Variants in RIC8B observed in about 807,000 individuals in gnomAD.
RIC8B encodes RIC8 guanine nucleotide exchange factor B.
In RIC8B, 16 loss-of-function variants were observed where a neutral mutation model predicts 57.5. The ratio of observed to expected loss-of-function variants is 0.28; its 90% confidence interval spans 0.19 to 0.42. RIC8B has a LOEUF of 0.42. Ranked by LOEUF, RIC8B falls within the 10% of genes least tolerant of loss-of-function variation. The probability of loss-of-function intolerance (pLI) is 1.00; values close to 1 mark genes in which losing one functional copy is unlikely to be tolerated. For missense variants in RIC8B, 481 were observed against 677.0 expected (o/e 0.71, Z 3.21); for synonymous variants, 216 against 250.8 (o/e 0.86, Z 1.31).
At chr12:106,809,394 GT>G (rs2045221972) in intron 2 of RIC8B, among the ~76,000 whole-genome samples, 1 of 152,056 alleles carries the variant, frequency 6.6e-6, no homozygotes, top group African/African-American at 2.4e-5. Flanking sequence ...GTGGTGGTGT[GT>G]GTCTGTAATC....
chr12:106,796,092 G>C (rs1415081248), intron 2 of RIC8B, among the ~76,000 whole-genome samples: 1 of 152,146 alleles, frequency 6.6e-6, no homozygotes, highest in African/African-American at 2.4e-5. Flanking sequence ...TTGATCTACA[G>C]ATTCAACGCA....
At chr12:106,865,952 G>T (rs187204746) in intron 8 of RIC8B, among the ~76,000 whole-genome samples, 2 of 152,176 alleles carry the variant, frequency 1.3e-5, no homozygotes, top group East Asian at 3.9e-4. Context: ...CTGTCATATC[G>T]CTCTCATTCC....
intron 1 of RIC8B, among the ~76,000 whole-genome samples, chr12:106,779,868 C>CTTTT (rs34745029): frequency 5.6e-4 from 55 of 98,874 alleles, no homozygotes; most frequent in Non-Finnish European, 9.2e-4. Context: ...GGGGCCTGTT[C>CTTTT]TTTTTTTTTT....
intron 4 of RIC8B, among the ~76,000 whole-genome samples, chr12:106,833,608 GA>G (rs909427857): frequency 6.7e-5 from 10 of 148,718 alleles, no homozygotes; most frequent in East Asian, 3.9e-4. Context: ...CTCAAAAAAA[GA>G]AAAAAAAAAT....
Position 106,798,205 on chromosome 12 carries a change from C to T in RIC8B, c.132+14161C>T, listed in dbSNP as rs997575310. 2.0e-5 allele frequency: 10 copies of T among 491,428 alleles called. 1 individual carries two copies. Among genetic ancestry groups the T allele is most frequent in the South Asian group, 1.8e-4 (5 of 28,484 alleles). 30.4% of individuals were successfully genotyped at this position (491,428 alleles called of 1,614,324 possible). A position where few individuals can be genotyped will look rare whatever the true frequency, so the allele number is the denominator to read the frequency against. The stretch of plus-strand genomic sequence containing the variant: ...TCAAAAATGTAAGGTTTCCTTTTCT[C>T]GGTAGCTGGCTTTTTTCTTCCTTTC... On this transcript the variant is annotated intron_variant, in intron 2 of 9. Transcript: ENST00000392837.
chr12:106,861,459 G>A (rs1314891264), intron 8 of RIC8B, among the ~76,000 whole-genome samples: 1 of 152,070 alleles, frequency 6.6e-6, no homozygotes, highest in East Asian at 1.9e-4. Flanking sequence ...TCAGGTCTGA[G>A]TAGGTAGTGT....
At chr12:106,878,217 C>T (rs781174011) in intron 9 of RIC8B, among the ~76,000 whole-genome samples, 4 of 152,018 alleles carry the variant, frequency 2.6e-5, no homozygotes, top group Non-Finnish European at 5.9e-5. Flanking sequence ...TCTAGGAAGT[C>T]ATTAGATGAA....
chr12:106,839,027 T>C (rs886849616), intron 4 of RIC8B, among the ~76,000 whole-genome samples: 4 of 149,908 alleles, frequency 2.7e-5, no homozygotes, highest in African/African-American at 9.8e-5. Flanking sequence ...AGATAATCGA[T>C]GGTAAGGATG....
intron 3 of RIC8B, 46 bp from the exon 4 acceptor site, chr12:106,825,680 C>A: frequency 7.0e-7 from 1 of 1,420,270 alleles, no homozygotes; most frequent in South Asian, 1.1e-5. Flanking sequence ...CCCCACTGTT[C>A]AGGCATTCAA....
chr12:106,869,538 ACTTG>A (rs750868037), intron 8 of RIC8B, among the ~76,000 whole-genome samples: 1 of 151,748 alleles, frequency 6.6e-6, no homozygotes, highest in African/African-American at 2.4e-5. Context: ...CCTCTCACTC[ACTTG>A]CTTATCTTAA....
At chr12:106,775,234 G>A in intron 1 of RIC8B, 2 of 435,090 alleles carry the variant, frequency 4.6e-6, no homozygotes, top group South Asian at 3.3e-5. Flanking sequence ...TGCATCAAAT[G>A]TATCAGCAAC....
intron 4 of RIC8B, among the ~76,000 whole-genome samples, chr12:106,827,723 T>G (rs1393262428): frequency 1.3e-5 from 2 of 152,204 alleles, no homozygotes; most frequent in African/African-American, 4.8e-5. Flanking sequence ...ATAAATCATA[T>G]CCTAACAAGA....
At chr12:106,871,483 AAAAAAAAAAAAAAAACCAAAAAACT>A in intron 9 of RIC8B, 1 of 141,444 alleles carries the variant, frequency 7.1e-6, no homozygotes, top group East Asian at 2.0e-4. Flanking sequence ...AAAAAAAAAA[AAAAAAAAAAAAAAAACCAAAAAACT>A]CCCCTTCCCC....
Position 106,879,394 on chromosome 12 carries a change from G to A in RIC8B, c.1572-6510G>A. ...CAATTTTGCACTGTCATTTTTGGGGGAAAGAGTCATATAGGAACCAGAAGC... is the reference window on the plus strand; with the variant it reads ...CAATTTTGCACTGTCATTTTTGGGGAAAAGAGTCATATAGGAACCAGAAGC... On this transcript the variant is annotated intron_variant, in intron 9 of 9. Coordinates refer to ENST00000392837, the MANE Select transcript of RIC8B (RefSeq NM_001330145.2). This position sits in a 1 kb window ranked among gnomAD's most constrained non-coding sequence, Gnocchi z 4.9. 1 of 984,846 alleles carries A rather than the reference G, an allele frequency of 1.0e-6. No individual in the cohort carries two copies. The highest frequency in any genetic ancestry group is 1.1e-4 in the East Asian group (1 of 8,806). The allele number at this position is 984,846 out of a possible 1,614,324, so 61.0% of individuals were successfully genotyped here. A position where few individuals can be genotyped will look rare whatever the true frequency, so the allele number is the denominator to read the frequency against.
chr12:106,792,837 G>A (rs551878250), intron 2 of RIC8B, among the ~76,000 whole-genome samples: 2 of 152,284 alleles, frequency 1.3e-5, no homozygotes, highest in African/African-American at 4.8e-5. Context: ...GAAAGTCTGT[G>A]TTATTTGAAC....
intron 3 of RIC8B, among the ~76,000 whole-genome samples, chr12:106,822,029 G>T (rs2045865644): frequency 8.5e-6 from 1 of 118,138 alleles, no homozygotes; most frequent in Admixed American, 1.2e-4. Context: ...AGCGAGCCAA[G>T]ATCGTGCCAC....
At chr12:106,880,056 C>G in intron 9 of RIC8B, 1 of 602,764 alleles carries the variant, frequency 1.7e-6, no homozygotes, top group Non-Finnish European at 2.1e-6. Context: ...ACATAGCCAT[C>G]CTTTTTAGAT....
intron 2 of RIC8B, among the ~76,000 whole-genome samples, chr12:106,795,473 T>G (rs1418955103): frequency 6.6e-6 from 1 of 152,138 alleles, no homozygotes; most frequent in Non-Finnish European, 1.5e-5. Flanking sequence ...TAGTCAGATT[T>G]GAGGAGGTGA....
chr12:106,818,336 T>C (rs1039471389), intron 3 of RIC8B, among the ~76,000 whole-genome samples: 1 of 152,010 alleles, frequency 6.6e-6, no homozygotes, highest in African/African-American at 2.4e-5. Context: ...CTGGCTAATT[T>C]TGTATTTTTG....
Sources: allele counts gnomAD v4.1 joint callset (sites outside exome capture counted in the v4.1 genomes callset), GRCh38; gene constraint gnomAD v4.1.1; non-coding constraint Gnocchi (gnomAD v3.1); transcripts MANE v1.5; gene names NCBI Gene and HGNC (gene_info 2026-07-23, HGNC 2026-07-21).